Variants in NRXN3 observed in about 807,000 individuals in gnomAD.
The protein encoded by NRXN3 is neurexin III.
NRXN3 carries 32 observed loss-of-function variants against 137.6 expected under a neutral mutation model. The ratio of observed to expected loss-of-function variants is 0.23; its 90% CI spans 0.18 to 0.31. The LOEUF is 0.31. Among genes scored for constraint, NRXN3 ranks in the 10% least tolerant of loss-of-function variants. The pLI is 1.00. For synonymous variants in NRXN3, 798 were observed against 784.5 expected, an observed-to-expected ratio of 1.02 and a Z score of -0.29; for missense variants, 1,574 against 2,062.5, an observed-to-expected ratio of 0.76 and a Z score of 4.59.
At chr14:78,867,663 A>G (rs891634111) in intron 10 of NRXN3, among the ~76,000 whole-genome samples, 3 of 152,156 alleles carry the variant, frequency 2.0e-5, no homozygotes, top group Non-Finnish European at 2.9e-5. Context: ...ACCTGGAGGA[A>G]AAGAATGTCC....
At chr14:78,813,459 C>T (rs2098921076) in intron 10 of NRXN3, among the ~76,000 whole-genome samples, 1 of 152,114 alleles carries the variant, frequency 6.6e-6, no homozygotes, top group Non-Finnish European at 1.5e-5. Context: ...TTACCTCTTG[C>T]TGCTATTTCA....
chr14:79,782,284 A>C (rs761907971), intron 19 of NRXN3, among the ~76,000 whole-genome samples: 1 of 152,172 alleles, frequency 6.6e-6, no homozygotes, highest in African/African-American at 2.4e-5. Flanking sequence ...CCAGAAGTCT[A>C]TTACTTTTCC....
intron 8 of NRXN3, among the ~76,000 whole-genome samples, chr14:78,779,193 T>C (rs893639579): frequency 1.3e-5 from 2 of 152,010 alleles, no homozygotes. Flanking sequence ...CAAAAACAGA[T>C]TTTTCTCAGG....
intron 16 of NRXN3, among the ~76,000 whole-genome samples, chr14:79,571,560 G>T (rs1373155375): frequency 6.6e-6 from 1 of 152,136 alleles, no homozygotes; most frequent in African/African-American, 2.4e-5. Flanking sequence ...CGCAATGAAT[G>T]CCTGGGCCTT....
chr14:78,726,203 T>C lies in NRXN3; in HGVS notation c.2044+11064T>C, dbSNP rs553652808. Among the ~76,000 whole-genome samples the C allele has an allele frequency of 4.3e-4, 66 of 152,332 alleles. 1 individual carries two copies. The highest frequency in any genetic ancestry group is 1.6e-3 in the African/African-American group (66 of 41,564). Reference sequence around the variant, plus strand: ...TTTTATTTTATTTTGTTCCTTTTTTTATTATACTTTAAGTTCTGGGATACA... The same window carrying C: ...TTTTATTTTATTTTGTTCCTTTTTTCATTATACTTTAAGTTCTGGGATACA... On this transcript the variant is annotated intron_variant, in intron 8 of 20. Coordinates refer to ENST00000335750, the MANE Select transcript of NRXN3 (RefSeq NM_001330195.2).
intron 4 of NRXN3, among the ~76,000 whole-genome samples, chr14:78,496,046 G>T (rs953504073): frequency 5.3e-5 from 8 of 152,128 alleles, no homozygotes; most frequent in Non-Finnish European, 8.8e-5. Context: ...CCTGACAAAT[G>T]GGGACCACAT....
At chr14:78,653,377 T>C (rs2097761523) in intron 6 of NRXN3, among the ~76,000 whole-genome samples, 1 of 152,206 alleles carries the variant, frequency 6.6e-6, no homozygotes, top group African/African-American at 2.4e-5. Flanking sequence ...AGAAAAAGAC[T>C]GCAACATTCT....
At chr14:79,448,458 C>G (rs568956100) in intron 15 of NRXN3, among the ~76,000 whole-genome samples, 26 of 152,246 alleles carry the variant, frequency 1.7e-4, no homozygotes, top group Middle Eastern at 3.4e-3. Flanking sequence ...AAGGACTTTG[C>G]TAGTTCCTGA....
intron 19 of NRXN3, among the ~76,000 whole-genome samples, chr14:79,759,973 A>G (rs995281920): frequency 6.6e-6 from 1 of 151,722 alleles, no homozygotes; most frequent in African/African-American, 2.4e-5. Context: ...ATTCTGTGTT[A>G]CATGACTAAG....
intron 19 of NRXN3, among the ~76,000 whole-genome samples, chr14:79,761,243 T>G (rs893947267): frequency 6.6e-6 from 1 of 151,762 alleles, no homozygotes; most frequent in Non-Finnish European, 1.5e-5. Flanking sequence ...TTTGGCCTTC[T>G]GTATTGTATT....
chr14:79,855,368 A>G (rs1031136145), intron 20 of NRXN3, among the ~76,000 whole-genome samples: 1 of 152,162 alleles, frequency 6.6e-6, no homozygotes, highest in African/African-American at 2.4e-5. Flanking sequence ...AATGGTGGAT[A>G]AGAGTGTTTC....
chr14:78,708,952 G>A (rs1445025380), intron 6 of NRXN3, among the ~76,000 whole-genome samples: 1 of 152,194 alleles, frequency 6.6e-6, no homozygotes, highest in African/African-American at 2.4e-5. Context: ...GCAAGCTTAT[G>A]TTGTATAACT....
chr14:78,736,720 T>C (rs1311180900), intron 8 of NRXN3, among the ~76,000 whole-genome samples: 1 of 152,170 alleles, frequency 6.6e-6, no homozygotes, highest in Admixed American at 6.6e-5. Context: ...GTACTAGGGA[T>C]ACAGAGAATA....
chr14:79,347,287 A>G, intron 15 of NRXN3, among the ~76,000 whole-genome samples: 1 of 152,262 alleles, frequency 6.6e-6, no homozygotes, highest in South Asian at 2.1e-4. Context: ...AATAATACTT[A>G]ATGTCTTGAC....
intron 16 of NRXN3, among the ~76,000 whole-genome samples, chr14:79,539,204 T>A (rs1245831964): frequency 6.6e-6 from 1 of 152,030 alleles, no homozygotes. Context: ...AATTTTTTTT[T>A]TGTATTTTTA....
intron 8 of NRXN3, among the ~76,000 whole-genome samples, chr14:78,761,538 C>A (rs2098692426): frequency 6.6e-6 from 1 of 152,102 alleles, no homozygotes; most frequent in East Asian, 1.9e-4. Context: ...TATTTCTCAT[C>A]TCAAGCAGGA....
At position 79,790,018 on chromosome 14, in the gene NRXN3, T is replaced by A. The variant is rs139090042; in HGVS notation, c.4015-15094T>A. ...GCCAGGAAGGCAGCAGAGGGAGGAG[T>A]TAATCAATTCAGTCTGGGATATGCT... On this transcript the variant is annotated intron_variant, in intron 19 of 20. Transcript: ENST00000335750. Among the ~76,000 whole-genome samples, 164 of 151,990 alleles carry A rather than the reference T, an allele frequency of 1.1e-3. 2 individuals carry two copies. Among genetic ancestry groups the A allele is most frequent in the African/African-American group, 1.7e-3 (71 of 41,456 alleles).
At chr14:79,041,973 G>A (rs12435865) in intron 15 of NRXN3, among the ~76,000 whole-genome samples, 77,624 of 152,022 alleles carry the variant, frequency 0.51, 22,649 homozygotes, top group East Asian at 0.78. Flanking sequence ...GTGAGAGATA[G>A]CCTGGAGAGA....
intron 15 of NRXN3, among the ~76,000 whole-genome samples, chr14:79,359,649 C>A (rs1006241507): frequency 6.7e-6 from 1 of 149,746 alleles, no homozygotes; most frequent in African/African-American, 2.5e-5. Context: ...TGGCTCACTG[C>A]AACCTCTTCC....
Sources: allele counts gnomAD v4.1 joint callset (sites outside exome capture counted in the v4.1 genomes callset), GRCh38; gene constraint gnomAD v4.1.1; transcripts MANE v1.5; gene names NCBI Gene and HGNC (gene_info 2026-07-23, HGNC 2026-07-21).